KCNN4: variants seen among roughly 807,000 people sequenced by gnomAD.
KCNN4 encodes the protein intermediate conductance calcium-activated potassium channel protein 4.
KCNN4 carries 31 observed loss-of-function variants against 45.2 expected under a neutral mutation model. The observed-to-expected ratio is 0.69, with a 90% confidence interval of 0.52 to 0.92. KCNN4 has a LOEUF of 0.92. KCNN4 is among the 40% of genes least tolerant of loss of function. KCNN4 has a pLI of 0.00. For missense variants in KCNN4, 463 were observed against 574.0 expected (o/e 0.81, Z 1.98); for synonymous variants, 231 against 254.6 (o/e 0.91, Z 0.88).
intron 2 of KCNN4, among the ~76,000 whole-genome samples, chr19:43,776,276 G>A (rs1969800481): frequency 6.6e-6 from 1 of 151,836 alleles, no homozygotes; most frequent in Admixed American, 6.6e-5. Context: ...CCTGGGGGCG[G>A]AAGCAGGGCT....
In KCNN4 at chr19:43,769,193, C is replaced by T. The variant is rs904786832; in HGVS notation, c.1050-161G>A. On this transcript the variant is annotated intron_variant, in intron 6 of 8. Transcript: ENST00000648319. The surrounding 1 kb of genome is among the most constrained non-coding windows in gnomAD (Gnocchi z 4.4). ...TGGGAGGGGATGCACCCTGCCTCCC[C>T]ACGAGCCCCCATCCCCAGTAGAAAC... 4 of 779,278 alleles carry T rather than the reference C, an allele frequency of 5.1e-6. No homozygotes were observed. The highest frequency in any genetic ancestry group is 8.6e-6 in the Non-Finnish European group (4 of 467,668). The allele number at this position is 779,278 out of a possible 1,614,324, so 48.3% of individuals were successfully genotyped here.
rs771034051 is a variant in KCNN4 at position 43,774,395 on chromosome 19, G to A, written c.480C>T (p.Leu160=). ...ALLSLAMLLR[L]YLVPRAVLLR... ...GGAGCACGGCGCGGGGCACCAGGTA[G>A]AGACGCAGCAGCATGGCCAGGGACA... is the stretch of plus-strand genomic sequence containing the variant. Residue 160 remains leucine (L), a synonymous_variant, in exon 3 of 9, where the codon CTC becomes CTT. Transcript: ENST00000648319. This position sits in a 1 kb window ranked among gnomAD's most constrained non-coding sequence, Gnocchi z 5.6. 2.6e-5 allele frequency: 41 copies of A among 1,601,506 alleles called. No homozygotes were observed. The highest frequency in any genetic ancestry group is 3.3e-5 in the Non-Finnish European group (39 of 1,174,408).
intron 4 of KCNN4, among the ~76,000 whole-genome samples, chr19:43,771,398 C>T (rs189781795): frequency 6.6e-6 from 1 of 152,234 alleles, no homozygotes; most frequent in Non-Finnish European, 1.5e-5. Flanking sequence ...ATCAGCATCC[C>T]CATTTTATAG....
chr19:43,780,193 A>C (rs2146472916), intron 1 of KCNN4, among the ~76,000 whole-genome samples: 1 of 151,830 alleles, frequency 6.6e-6, no homozygotes, highest in South Asian at 2.1e-4. Context: ...GGGGTCCTGG[A>C]CCTCTGGCCG....
chr19:43,778,998 A>G (rs1969894240), intron 1 of KCNN4, among the ~76,000 whole-genome samples: 1 of 152,214 alleles, frequency 6.6e-6, no homozygotes, highest in African/African-American at 2.4e-5. Context: ...GTTCAAGACC[A>G]GCCTAGGCAA....
At chr19:43,775,407 T>C (rs1462035788) in intron 2 of KCNN4, among the ~76,000 whole-genome samples, 1 of 152,214 alleles carries the variant, frequency 6.6e-6, no homozygotes, top group Non-Finnish European at 1.5e-5. Context: ...CTATCCCGTT[T>C]ACATATTGTG....
At position 43,780,714 on chromosome 19, in the gene KCNN4, C is replaced by A; in HGVS notation, c.148G>T (p.Gly50Trp). ...CATGCCCCACTCACCGAGCACCCCCCGAACCACAGCATCTCTGCATGCAGC... is the reference window on the plus strand; with the variant it reads ...CATGCCCCACTCACCGAGCACCCCCAGAACCACAGCATCTCTGCATGCAGC... The part of the protein sequence containing the change: ...MVLHAEMLWF[G>W]GCSWALYLFL... Residue 50 changes from glycine (G) to tryptophan (W), a missense_variant, in exon 1 of 9, where the codon GGG becomes TGG. Physicochemically the swap from Gly to Trp is radical, Grantham distance 184. This residue lies in a region of KCNN4 where 225 missense variants were observed against 240.9 expected (regional missense o/e 0.93). Transcript: ENST00000648319. 8.7e-6 allele frequency: 14 copies of A among 1,613,278 alleles called. No individual in the cohort carries two copies. The highest frequency in any genetic ancestry group is 1.2e-5 in the Non-Finnish European group (14 of 1,179,770).
At chr19:43,768,877 A>T in intron 7 of KCNN4, 86 bp downstream of exon 7, 1 of 1,345,368 alleles carries the variant, frequency 7.4e-7, no homozygotes. Flanking sequence ...GCCCCTGCCA[A>T]GGTTCCCTGT....
chr19:43,776,051 C>T (rs1418436333), intron 2 of KCNN4, among the ~76,000 whole-genome samples: 3 of 148,032 alleles, frequency 2.0e-5, no homozygotes, highest in African/African-American at 7.6e-5. Context: ...TTGTTTGAAC[C>T]CAGGAGGTGG....
In KCNN4 at chr19:43,770,156, C is replaced by A. The variant is rs147682245; in HGVS notation, c.820-327G>T. On this transcript the variant is annotated intron_variant, in intron 4 of 8. Transcript: ENST00000648319. ...AGTGCTCATGTGGTCAGCCATTGCACTGTGGAGGGCGACCATCCTTCTCCC... is the reference window on the plus strand; with the variant it reads ...AGTGCTCATGTGGTCAGCCATTGCAATGTGGAGGGCGACCATCCTTCTCCC... Among the ~76,000 whole-genome samples the A allele has an allele frequency of 6.5e-4, 99 of 152,220 alleles. 1 individual carries two copies. The highest frequency in any genetic ancestry group is 2.2e-3 in the African/African-American group (92 of 41,524).
In KCNN4 at chr19:43,774,703, A is replaced by C; in HGVS notation, c.256-84T>G. The C allele has an allele frequency of 3.2e-6, 4 of 1,241,974 alleles. No individual in the cohort carries two copies. Among genetic ancestry groups the C allele is most frequent in the Non-Finnish European group, 4.3e-6 (4 of 939,270 alleles). The allele number at this position is 1,241,974 out of a possible 1,614,324, so 76.9% of individuals were successfully genotyped here. A position where few individuals can be genotyped will look rare whatever the true frequency, so the allele number is the denominator to read the frequency against. The stretch of plus-strand genomic sequence containing the variant: ...GCGGCCCGCGCCTGCCTGCGCCCTG[A>C]GATAAGTGGGGTGTGCCGCCTGGCC... On this transcript the variant is annotated intron_variant, in intron 2 of 8. Coordinates refer to ENST00000648319, the MANE Select transcript of KCNN4 (RefSeq NM_002250.3). This position sits in a 1 kb window ranked among gnomAD's most constrained non-coding sequence, Gnocchi z 5.6.
In KCNN4 at chr19:43,780,886, C is replaced by T; in HGVS notation, c.-25G>A. On this transcript the variant is annotated 5_prime_UTR_variant, in exon 1 of 9. Coordinates refer to ENST00000648319, the MANE Select transcript of KCNN4 (RefSeq NM_002250.3). ...TGGCCCCCGGGGTCTTGGGGCTCAG[C>T]CAGCTTCCTGCCCAGGGTCCCCCAC... The T allele has an allele frequency of 6.2e-7, 1 of 1,611,764 alleles. No homozygotes were observed. The highest frequency in any genetic ancestry group is 2.2e-5 in the East Asian group (1 of 44,836).
intron 1 of KCNN4, among the ~76,000 whole-genome samples, chr19:43,777,373 T>C (rs1042184530): frequency 2.7e-4 from 40 of 146,874 alleles, no homozygotes; most frequent in South Asian, 1.6e-3. Context: ...CTCTAGAGAG[T>C]GCCCCCTCCC....
At chr19:43,778,486 A>G (rs1182449209) in intron 1 of KCNN4, among the ~76,000 whole-genome samples, 1 of 151,854 alleles carries the variant, frequency 6.6e-6, no homozygotes, top group African/African-American at 2.4e-5. Flanking sequence ...TGATCCGCCC[A>G]CCTCGGCCTC....
chr19:43,779,576 G>A (rs1445452170), intron 1 of KCNN4, among the ~76,000 whole-genome samples: 1 of 151,938 alleles, frequency 6.6e-6, no homozygotes, highest in Non-Finnish European at 1.5e-5. Flanking sequence ...CTCCTTTCCT[G>A]TTGAGCAAGT....
Position 43,769,711 on chromosome 19 carries a change from C to A in KCNN4, c.930+8G>T. ...GGGTGTCCCATGGGTGCCATATGCC[C>A]ATCTCACCTCTTTGGTATACTGGAT... is the stretch of plus-strand genomic sequence containing the variant. On this transcript the variant is annotated splice_region_variant and intron_variant, in intron 5 of 8. Coordinates refer to ENST00000648319, the MANE Select transcript of KCNN4 (RefSeq NM_002250.3). The surrounding 1 kb of genome is among the most constrained non-coding windows in gnomAD (Gnocchi z 4.4). 6.2e-7 allele frequency: 1 copy of A among 1,602,730 alleles called. No homozygotes were observed. The highest frequency in any genetic ancestry group is 1.1e-5 in the South Asian group (1 of 90,772).
At position 43,772,582 on chromosome 19, in the gene KCNN4, C is replaced by A. The variant is rs1294819719; in HGVS notation, c.684-447G>T. 6.6e-6 allele frequency among the ~76,000 whole-genome samples: 1 copy of A among 152,056 alleles called. No individual in the cohort carries two copies. ...AGATGCTGTGTGGTCCAGAAGTGGCCCTATCAGGACCAAAAAGGACTCTAA... is the reference window on the plus strand; with the variant it reads ...AGATGCTGTGTGGTCCAGAAGTGGCACTATCAGGACCAAAAAGGACTCTAA... On this transcript the variant is annotated intron_variant, in intron 3 of 8. Coordinates refer to ENST00000648319, the MANE Select transcript of KCNN4 (RefSeq NM_002250.3). The surrounding 1 kb of genome is among the most constrained non-coding windows in gnomAD (Gnocchi z 4.4).
At chr19:43,771,668 G>A (rs983056658) in intron 4 of KCNN4, among the ~76,000 whole-genome samples, 3 of 152,132 alleles carry the variant, frequency 2.0e-5, no homozygotes, top group African/African-American at 7.2e-5. Context: ...CTTAGGGGCT[G>A]GATTCCTAGG....
intron 1 of KCNN4, among the ~76,000 whole-genome samples, chr19:43,780,445 A>T (rs868619413): frequency 1.3e-3 from 62 of 46,408 alleles, no homozygotes; most frequent in African/African-American, 4.4e-3. Context: ...CCTCAGACCC[A>T]GGAGTCCTGA....
Sources: allele counts gnomAD v4.1 joint callset (sites outside exome capture counted in the v4.1 genomes callset), GRCh38; gene constraint gnomAD v4.1.1; regional missense constraint gnomAD v4.1.1; non-coding constraint Gnocchi (gnomAD v3.1); transcripts MANE v1.5; gene names NCBI Gene and HGNC (gene_info 2026-07-23, HGNC 2026-07-21).